The following TTC3 variants were observed in gnomAD, a reference collection of about 807,000 sequenced individuals.
TTC3 encodes E3 ubiquitin-protein ligase TTC3.
TTC3 carries 180 observed loss-of-function variants against 249.6 expected under a neutral mutation model. That is an observed-to-expected ratio of 0.72 (90% CI 0.64 to 0.82). The LOEUF is 0.82. Ranked by LOEUF, TTC3 falls within the 40% of genes least tolerant of loss-of-function variation. The pLI is 0.00. For synonymous variants in TTC3, 717 were observed against 805.0 expected, an observed-to-expected ratio of 0.89 and a Z score of 1.85; for missense variants, 2,061 against 2,398.4, an observed-to-expected ratio of 0.86 and a Z score of 2.94.
chr21:37,144,680 T>C (rs576919796), intron 21 of TTC3, 35 bp downstream of exon 21: 1 of 1,594,180 alleles, frequency 6.3e-7, no homozygotes, highest in African/African-American at 1.3e-5. Flanking sequence ...TTTCTTACTG[T>C]GAATGCTTAT....
intron 16 of TTC3, among the ~76,000 whole-genome samples, chr21:37,131,468 A>G (rs2077463901): frequency 6.6e-6 from 1 of 152,182 alleles, no homozygotes; most frequent in Non-Finnish European, 1.5e-5. Flanking sequence ...GGGATCATGA[A>G]GCTCCTCGCG....
chr21:37,141,019 T>C (rs2078396207), intron 20 of TTC3, among the ~76,000 whole-genome samples: 1 of 152,232 alleles, frequency 6.6e-6, no homozygotes, highest in Non-Finnish European at 1.5e-5. Flanking sequence ...TTGATTTAAT[T>C]ATTTTTTAAA....
upstream of TTC3, chr21:37,073,270 C>G (rs1307433901): frequency 2.5e-5 from 5 of 198,560 alleles, no homozygotes; most frequent in South Asian, 1.5e-4. Flanking sequence ...TCCCTCCCGC[C>G]GTCGGCTGAC....
intron 1 of TTC3, among the ~76,000 whole-genome samples, chr21:37,085,313 G>C (rs1388262050): frequency 2.0e-5 from 3 of 152,168 alleles, no homozygotes; most frequent in Non-Finnish European, 4.4e-5. Context: ...CACTTTTAGA[G>C]TTAAATTTTT....
At chr21:37,177,716 C>T (rs1020125479) in intron 35 of TTC3, among the ~76,000 whole-genome samples, 1 of 152,204 alleles carries the variant, frequency 6.6e-6, no homozygotes, top group Non-Finnish European at 1.5e-5. Context: ...CTTGAGGAAA[C>T]AGTTGTTGAT....
chr21:37,176,186 A>C (rs527256148), intron 35 of TTC3, among the ~76,000 whole-genome samples: 2 of 152,350 alleles, frequency 1.3e-5, no homozygotes, highest in South Asian at 4.1e-4. Flanking sequence ...GCTGAAGGAC[A>C]TAGGTTCATT....
intron 13 of TTC3, 103 bp downstream of exon 13, chr21:37,123,131 C>T: frequency 8.2e-7 from 1 of 1,217,616 alleles, no homozygotes; most frequent in Non-Finnish European, 1.2e-6. Context: ...ATAGCAACCA[C>T]AGTAAAGTTG....
chr21:37,152,379 G>GTT (rs5843795), intron 26 of TTC3, among the ~76,000 whole-genome samples: 7 of 139,294 alleles, frequency 5.0e-5, no homozygotes, highest in Admixed American at 7.2e-5. Context: ...GAACTAAGTT[G>GTT]TTTTTTTTTT....
intron 1 of TTC3, 141 bp downstream of exon 1, chr21:37,073,614 T>A: frequency 1.8e-6 from 1 of 549,956 alleles, no homozygotes; most frequent in Non-Finnish European, 2.3e-6. Flanking sequence ...CTGGTGCCCC[T>A]TCGCGAGCGA....
chr21:37,176,796 A>C (rs577536615), intron 35 of TTC3, among the ~76,000 whole-genome samples: 1 of 152,284 alleles, frequency 6.6e-6, no homozygotes, highest in African/African-American at 2.4e-5. Context: ...CCCAAGCCAC[A>C]CCAGTACGAA....
intron 17 of TTC3, among the ~76,000 whole-genome samples, chr21:37,133,290 A>G (rs1295036586): frequency 2.6e-5 from 4 of 152,198 alleles, no homozygotes; most frequent in African/African-American, 4.8e-5. Context: ...ACGTTACTTC[A>G]TGATGGAAAA....
exon 46 of TTC3, chr21:37,202,755 G>A (rs180743271): frequency 4.3e-4 from 66 of 152,312 alleles, no homozygotes; most frequent in African/African-American, 1.5e-3. Context: ...TTTTCAATGT[G>A]TTCTTTGTTC....
chr21:37,167,379 G>T (rs1793886), intron 33 of TTC3, among the ~76,000 whole-genome samples, 176 bp from the exon 34 acceptor site: 8 of 152,322 alleles, frequency 5.3e-5, no homozygotes, highest in African/African-American at 1.7e-4. Context: ...TTCCAGATAT[G>T]CTAATTCTAA....
intron 34 of TTC3, among the ~76,000 whole-genome samples, chr21:37,168,208 T>A (rs1480873956): frequency 6.6e-6 from 1 of 152,178 alleles, no homozygotes; most frequent in African/African-American, 2.4e-5. Flanking sequence ...CTCAACATGC[T>A]AATATTTTAA....
chr21:37,159,268 C>G (rs967028452), intron 28 of TTC3, among the ~76,000 whole-genome samples: 1 of 151,580 alleles, frequency 6.6e-6, no homozygotes, highest in African/African-American at 2.4e-5. Context: ...CTTTGCCCCT[C>G]CTGTGGGCCT....
At chr21:37,172,842 G>C in intron 35 of TTC3, 98 bp downstream of exon 35, 1 of 1,384,486 alleles carries the variant, frequency 7.2e-7, no homozygotes, top group Non-Finnish European at 9.7e-7. Flanking sequence ...CTTCTGCATT[G>C]GTGGCTAAAC....
intron 20 of TTC3, among the ~76,000 whole-genome samples, chr21:37,142,235 C>T (rs1294836743): frequency 5.3e-5 from 8 of 152,084 alleles, no homozygotes; most frequent in South Asian, 2.1e-4. Context: ...AACATAGTGT[C>T]GGAAGTTCTG....
rs1244394970 is a variant in TTC3, at chr21:37,144,600, CA to C, written c.1849del (p.Thr617ArgfsTer4). On this transcript the variant is annotated frameshift_variant, in exon 21 of 46. Transcript: ENST00000355666. LOFTEE classifies it high-confidence loss of function. The stretch of plus-strand genomic sequence containing the variant: ...GTCTTCCTGGAGTGTTAACTTGGCC[CA>C]CGAGTAATGTGATTATTGAAGAGTC... 3.7e-6 allele frequency: 6 copies of C among 1,611,706 alleles called. No individual in the cohort carries two copies.
At chr21:37,090,273 G>T (rs1410322146) in exon 6 of TTC3, 1 of 1,605,980 alleles carries the variant, frequency 6.2e-7, no homozygotes, top group Non-Finnish European at 8.5e-7. Context: ...AGAATTGGTT[G>T]TAAAATAGAA....
Sources: gnomAD v4.1 joint callset for allele counts (sites outside exome capture counted in the v4.1 genomes callset) on GRCh38, gnomAD v4.1.1 for gene constraint, MANE v1.5 for transcripts, NCBI Gene and HGNC (gene_info 2026-07-23, HGNC 2026-07-21) for gene names.